The following NFIB variants were observed in gnomAD, a reference collection of about 807,000 sequenced individuals.
NFIB encodes nuclear factor I B.
NFIB carries 11 observed loss-of-function variants against 61.5 expected under a neutral mutation model. The ratio of observed to expected loss-of-function variants is 0.18; its 90% confidence interval spans 0.11 to 0.30. NFIB has a LOEUF of 0.30. NFIB is among the 10% of genes least tolerant of loss of function. The pLI is 1.00. For synonymous variants in NFIB, 260 were observed against 216.5 expected (o/e 1.20, Z -1.76); for missense variants, 471 against 608.9 (o/e 0.77, Z 2.38).
chr9:14,507,536 T>C, the NFIB span, among the ~76,000 whole-genome samples: 1 of 152,356 alleles, frequency 6.6e-6, no homozygotes, highest in East Asian at 1.9e-4. Flanking sequence ...GTTTTAAGGA[T>C]GTCCTTAGGT....
intron 1 of NFIB, among the ~76,000 whole-genome samples, chr9:14,351,187 C>T (rs2061107142): frequency 6.6e-6 from 1 of 152,208 alleles, no homozygotes; most frequent in Non-Finnish European, 1.5e-5. Flanking sequence ...TCCAGTCTCC[C>T]CACTTTTTTT....
chr9:14,403,843 T>A (rs2061765904), upstream of NFIB, among the ~76,000 whole-genome samples: 1 of 152,162 alleles, frequency 6.6e-6, no homozygotes, highest in South Asian at 2.1e-4. Context: ...AGGAATTCTA[T>A]AAGAAAAGGA....
the NFIB span, among the ~76,000 whole-genome samples, chr9:14,523,235 G>T: frequency 6.6e-6 from 1 of 152,036 alleles, no homozygotes; most frequent in Non-Finnish European, 1.5e-5. Context: ...GAGCACACTT[G>T]GTGTTGGCTC....
chr9:14,380,839 G>T (rs1322007958), intron 1 of NFIB, among the ~76,000 whole-genome samples: 1 of 151,974 alleles, frequency 6.6e-6, no homozygotes, highest in East Asian at 2.0e-4. Flanking sequence ...CCAGGAAGGG[G>T]CCAAGCAGGG....
intron 2 of NFIB, among the ~76,000 whole-genome samples, chr9:14,301,911 A>G (rs530477783): frequency 7.5e-4 from 115 of 152,334 alleles, no homozygotes; most frequent in Non-Finnish European, 1.1e-3. Flanking sequence ...TGAATTGTGT[A>G]TGAGCCAGAA....
intron 1 of NFIB, among the ~76,000 whole-genome samples, chr9:14,329,539 G>T (rs913591394): frequency 7.2e-5 from 11 of 151,854 alleles, no homozygotes; most frequent in African/African-American, 2.7e-4. Context: ...TTTTAAGACG[G>T]AGTCTCACTC....
chr9:14,447,052 T>G, the NFIB span, among the ~76,000 whole-genome samples: 2 of 152,176 alleles, frequency 1.3e-5, no homozygotes, highest in African/African-American at 4.8e-5. Context: ...ACACAGAAAT[T>G]CCTTATATGC....
the NFIB span, among the ~76,000 whole-genome samples, chr9:14,523,243 C>T: frequency 6.6e-6 from 1 of 152,068 alleles, no homozygotes; most frequent in Non-Finnish European, 1.5e-5. Context: ...TTGGTGTTGG[C>T]TCAGCTTTCA....
At chr9:14,437,129 A>C in the NFIB span, among the ~76,000 whole-genome samples, 16 of 152,180 alleles carry the variant, frequency 1.1e-4, no homozygotes, top group Non-Finnish European at 2.9e-5. Context: ...TCCTCATCAG[A>C]AAGGTAAGGT....
chr9:14,230,009 G>A (rs1414444617), intron 2 of NFIB, among the ~76,000 whole-genome samples: 1 of 152,090 alleles, frequency 6.6e-6, no homozygotes, highest in South Asian at 2.1e-4. Context: ...CTCCAATGTC[G>A]TTCATGGCTG....
chr9:14,316,697 A>G (rs1362416522), upstream of NFIB, among the ~76,000 whole-genome samples: 1 of 152,170 alleles, frequency 6.6e-6, no homozygotes. Flanking sequence ...ACACACACAG[A>G]GAAACCACCA....
chr9:14,464,066 T>G, the NFIB span, among the ~76,000 whole-genome samples: 1 of 152,138 alleles, frequency 6.6e-6, no homozygotes, highest in Non-Finnish European at 1.5e-5. Flanking sequence ...GAAAAACCAC[T>G]TTCTCTCCAG....
chr9:14,404,220 C>G, the NFIB span, among the ~76,000 whole-genome samples: 1 of 152,064 alleles, frequency 6.6e-6, no homozygotes, highest in African/African-American at 2.4e-5. Flanking sequence ...TTTAAACAAC[C>G]CCTACCAGCT....
intron 1 of NFIB, among the ~76,000 whole-genome samples, chr9:14,354,400 T>C (rs1405379102): frequency 6.6e-6 from 1 of 152,224 alleles, no homozygotes; most frequent in Admixed American, 6.5e-5. Context: ...ATTCTGCTAC[T>C]AAGTGTTACA....
intron 2 of NFIB, among the ~76,000 whole-genome samples, chr9:14,301,689 A>T (rs772496381): frequency 6.6e-5 from 10 of 152,064 alleles, no homozygotes; most frequent in Non-Finnish European, 1.3e-4. Flanking sequence ...CCCAGCTGGC[A>T]ACTGGGGCCT....
chr9:14,098,286 A>T (rs1563781440), intron 10 of NFIB, among the ~76,000 whole-genome samples: 2 of 152,194 alleles, frequency 1.3e-5, no homozygotes, highest in Admixed American at 1.3e-4. Flanking sequence ...AAGCCATCAG[A>T]CACATACAAC....
intron 1 of NFIB, among the ~76,000 whole-genome samples, chr9:14,386,577 A>G (rs2061551046): frequency 6.6e-6 from 1 of 151,200 alleles, no homozygotes; most frequent in South Asian, 2.1e-4. Flanking sequence ...TTTATCATGC[A>G]TTCTCACAGA....
intron 2 of NFIB, among the ~76,000 whole-genome samples, chr9:14,219,122 T>C (rs2051312264): frequency 6.6e-6 from 1 of 152,150 alleles, no homozygotes; most frequent in South Asian, 2.1e-4. Flanking sequence ...CTTTAGCCCT[T>C]CATCTCTCCT....
chr9:14,369,511 T>C (rs1158219885), intron 1 of NFIB, among the ~76,000 whole-genome samples: 1 of 152,064 alleles, frequency 6.6e-6, no homozygotes, highest in Non-Finnish European at 1.5e-5. Flanking sequence ...ACCAGAGTCT[T>C]CAGAAGGTGC....
Sources: allele counts gnomAD v4.1 joint callset (sites outside exome capture counted in the v4.1 genomes callset), GRCh38; gene constraint gnomAD v4.1.1; transcripts MANE v1.5; gene names NCBI Gene and HGNC (gene_info 2026-07-23, HGNC 2026-07-21).